The following WWOX variants were observed in gnomAD, a reference collection of about 807,000 sequenced individuals.
WWOX encodes WW domain-containing oxidoreductase.
A neutral mutation model predicts 46.2 loss-of-function variants in WWOX; 69 were observed. The observed-to-expected ratio is 1.49, with a 90% CI of 1.23 to 1.82. The LOEUF is 1.82. Ranked by LOEUF, WWOX falls within the 40% of genes most tolerant of loss-of-function variation. WWOX has a pLI of 0.00. For synonymous variants in WWOX, 359 were observed against 202.6 expected (o/e 1.77, Z -6.56); for missense variants, 919 against 542.6 (o/e 1.69, Z -6.89).
chr16:78,264,025 C>CTTTTTTTTTTTTTTTTTTT (rs2079308728), intron 5 of WWOX, among the ~76,000 whole-genome samples: 1 of 22,670 alleles, frequency 4.4e-5, no homozygotes. Flanking sequence ...TGTTTTTTTG[C>CTTTTTTTTTTTTTTTTTTT]TGTGGAGCGC....
intron 8 of WWOX, among the ~76,000 whole-genome samples, chr16:79,058,117 A>AAAAC (rs1310052366): frequency 6.8e-5 from 6 of 88,412 alleles, no homozygotes; most frequent in Non-Finnish European, 1.3e-4. Context: ...AAAAAAAAAA[A>AAAAC]AAACAAACAA....
At chr16:78,540,773 A>G (rs770714263) in intron 8 of WWOX, among the ~76,000 whole-genome samples, 9 of 152,132 alleles carry the variant, frequency 5.9e-5, no homozygotes, top group Non-Finnish European at 1.2e-4. Flanking sequence ...GGTGACCTCA[A>G]ATTCATGAGC....
intron 8 of WWOX, among the ~76,000 whole-genome samples, chr16:78,773,292 C>G (rs1432677065): frequency 6.6e-6 from 1 of 152,184 alleles, no homozygotes; most frequent in Admixed American, 6.5e-5. Flanking sequence ...CAACTTCTGG[C>G]TCTGGCTTCT....
intron 8 of WWOX, 148 bp downstream of exon 8, chr16:78,432,900 T>A: frequency 7.9e-7 from 1 of 1,264,916 alleles, no homozygotes; most frequent in Middle Eastern, 2.7e-4. Flanking sequence ...TTGAACACAT[T>A]TTCATCAACT....
intron 5 of WWOX, among the ~76,000 whole-genome samples, chr16:78,309,430 C>G (rs56061917): frequency 0.061 from 9,329 of 152,184 alleles, 791 homozygotes; most frequent in African/African-American, 0.19. Flanking sequence ...TTCTTGGTAG[C>G]AATGTGAGAA....
At chr16:78,378,932 C>G (rs892973490) in intron 5 of WWOX, among the ~76,000 whole-genome samples, 49 of 152,186 alleles carry the variant, frequency 3.2e-4, no homozygotes, top group African/African-American at 1.1e-3. Flanking sequence ...GGTGTTACGT[C>G]TTCAAGAATA....
chr16:79,071,471 A>G (rs977672596), intron 8 of WWOX, among the ~76,000 whole-genome samples: 1 of 152,096 alleles, frequency 6.6e-6, no homozygotes, highest in Non-Finnish European at 1.5e-5. Flanking sequence ...TACCCAAACC[A>G]AGTTTCATTT....
At chr16:78,406,603 C>T (rs1019466909) in intron 6 of WWOX, among the ~76,000 whole-genome samples, 2 of 150,074 alleles carry the variant, frequency 1.3e-5, no homozygotes, top group Non-Finnish European at 3.0e-5. Context: ...CCTGCCTTGG[C>T]CTTCCAAAGT....
At chr16:78,853,864 GCTGA>G (rs1480581499) in intron 8 of WWOX, among the ~76,000 whole-genome samples, 2 of 152,098 alleles carry the variant, frequency 1.3e-5, no homozygotes, top group South Asian at 2.1e-4. Context: ...TAAAATGGAT[GCTGA>G]CTGTCTGTCT....
chr16:78,492,187 G>T (rs187001568), intron 8 of WWOX, among the ~76,000 whole-genome samples: 21 of 152,282 alleles, frequency 1.4e-4, no homozygotes, highest in Admixed American at 1.2e-3. Context: ...GTTCCATTAG[G>T]TGACAGTGTG....
At chr16:78,998,444 C>T (rs1451995357) in intron 8 of WWOX, among the ~76,000 whole-genome samples, 5 of 152,114 alleles carry the variant, frequency 3.3e-5, no homozygotes, top group Non-Finnish European at 5.9e-5. Flanking sequence ...ACTTGGAAGA[C>T]AGTCAGTTTT....
chr16:78,781,848 T>G (rs562516143), intron 8 of WWOX, among the ~76,000 whole-genome samples: 1 of 152,200 alleles, frequency 6.6e-6, no homozygotes, highest in African/African-American at 2.4e-5. Flanking sequence ...ATGGTAGCAG[T>G]TATGAGCAGG....
intron 8 of WWOX, among the ~76,000 whole-genome samples, chr16:78,748,086 A>T (rs768437058): frequency 6.6e-6 from 1 of 150,940 alleles, no homozygotes; most frequent in South Asian, 2.1e-4. Context: ...TTTTTCACAG[A>T]CTCTGCTCTT....
At chr16:78,933,549 C>CT (rs1443081139) in intron 8 of WWOX, among the ~76,000 whole-genome samples, 3 of 152,200 alleles carry the variant, frequency 2.0e-5, no homozygotes, top group African/African-American at 7.2e-5. Context: ...TGAACTGCTC[C>CT]TTTAAGACAT....
At chr16:78,849,697 C>G (rs937928991) in intron 8 of WWOX, among the ~76,000 whole-genome samples, 1 of 151,954 alleles carries the variant, frequency 6.6e-6, no homozygotes, top group Non-Finnish European at 1.5e-5. Flanking sequence ...CCTCCCTAGA[C>G]TAGATTTCTA....
chr16:78,979,435 G>T (rs191400774), intron 8 of WWOX, among the ~76,000 whole-genome samples: 1 of 152,142 alleles, frequency 6.6e-6, no homozygotes, highest in Non-Finnish European at 1.5e-5. Context: ...GAATACGTAC[G>T]TGACAGGCTC....
intron 8 of WWOX, among the ~76,000 whole-genome samples, chr16:79,056,854 G>T (rs118126347): frequency 0.01 from 1,559 of 152,310 alleles, 12 homozygotes; most frequent in Middle Eastern, 0.02. Context: ...CATAGGAATA[G>T]TTCAAAGCTA....
chr16:78,664,531 G>C (rs2047286646), intron 8 of WWOX, among the ~76,000 whole-genome samples: 1 of 152,204 alleles, frequency 6.6e-6, no homozygotes, highest in Non-Finnish European at 1.5e-5. Flanking sequence ...GGGATTCCAA[G>C]CTTGTAAATA....
intron 8 of WWOX, among the ~76,000 whole-genome samples, chr16:78,660,617 C>A (rs781522236): frequency 2.0e-4 from 30 of 152,090 alleles, no homozygotes; most frequent in Non-Finnish European, 3.5e-4. Flanking sequence ...GCTCCCTACT[C>A]ACTTGGGGGA....
Sources: allele counts gnomAD v4.1 joint callset (sites outside exome capture counted in the v4.1 genomes callset), GRCh38; gene constraint gnomAD v4.1.1; transcripts MANE v1.5; gene names NCBI Gene and HGNC (gene_info 2026-07-23, HGNC 2026-07-21).